The following GABRB1 variants were observed in gnomAD, a reference collection of about 807,000 sequenced individuals.
GABRB1 encodes gamma-aminobutyric acid receptor subunit beta-1.
GABRB1 carries 17 observed loss-of-function variants against 51.6 expected under a neutral mutation model. The ratio of observed to expected loss-of-function variants is 0.33; its 90% confidence interval spans 0.23 to 0.49. The LOEUF (loss-of-function observed/expected upper bound fraction) is 0.49, where lower values mean the gene tolerates loss of function less well. GABRB1 is among the 20% of genes least tolerant of loss of function. The probability of loss-of-function intolerance (pLI) is 0.99; values close to 1 mark genes in which losing one functional copy is unlikely to be tolerated. For synonymous variants in GABRB1, 247 were observed against 218.9 expected, an observed-to-expected ratio of 1.13 and a Z score of -1.14; for missense variants, 410 against 600.6, an observed-to-expected ratio of 0.68 and a Z score of 3.32.
chr4:47,265,659 T>A (rs999612891), intron 4 of GABRB1, among the ~76,000 whole-genome samples: 1 of 152,176 alleles, frequency 6.6e-6, no homozygotes, highest in African/African-American at 2.4e-5. Flanking sequence ...TGGTATCTCA[T>A]TGTGGAATTA....
chr4:47,161,238 T>C lies in GABRB1; in HGVS notation c.241-11T>C. On this transcript the variant is annotated splice_polypyrimidine_tract_variant and intron_variant, in intron 3 of 8. Coordinates refer to ENST00000295454, the MANE Select transcript of GABRB1 (RefSeq NM_000812.4). Reference sequence around the variant, plus strand: ...AATTCTTTTTTTTTTTTTGCTTTCTTTATTTCACAGGATTATACACTCACC... The same window carrying C: ...AATTCTTTTTTTTTTTTTGCTTTCTCTATTTCACAGGATTATACACTCACC... 6.5e-7 allele frequency: 1 copy of C among 1,542,566 alleles called. No homozygotes were observed. The highest frequency in any genetic ancestry group is 8.8e-7 in the Non-Finnish European group (1 of 1,138,002).
At chr4:47,204,971 A>T (rs1720055172) in intron 4 of GABRB1, among the ~76,000 whole-genome samples, 1 of 152,176 alleles carries the variant, frequency 6.6e-6, no homozygotes. Flanking sequence ...TTGATAAATG[A>T]AACATAAGTA....
At chr4:47,032,253 G>T (rs1270319749) in intron 2 of GABRB1, among the ~76,000 whole-genome samples, 164 bp from the exon 3 acceptor site, 1 of 152,006 alleles carries the variant, frequency 6.6e-6, no homozygotes, top group Admixed American at 6.5e-5. Flanking sequence ...TGCATCACGC[G>T]TGTGCCCACA....
chr4:47,249,459 A>G (rs1318900724), intron 4 of GABRB1, among the ~76,000 whole-genome samples: 1 of 152,048 alleles, frequency 6.6e-6, no homozygotes, highest in Non-Finnish European at 1.5e-5. Context: ...AGTTCCATGC[A>G]CTGTTGAACA....
chr4:47,409,989 A>G (rs1433809840), intron 8 of GABRB1, among the ~76,000 whole-genome samples: 1 of 152,214 alleles, frequency 6.6e-6, no homozygotes, highest in Non-Finnish European at 1.5e-5. Context: ...CATTTGACTG[A>G]CCTTTATTTC....
intron 4 of GABRB1, among the ~76,000 whole-genome samples, chr4:47,189,015 G>A (rs1397107106): frequency 6.6e-6 from 1 of 151,992 alleles, no homozygotes; most frequent in African/African-American, 2.4e-5. Context: ...TAGAGTCTGG[G>A]AAAGAAATAA....
chr4:47,167,034 G>A (rs949786228), intron 4 of GABRB1, among the ~76,000 whole-genome samples: 1 of 152,128 alleles, frequency 6.6e-6, no homozygotes, highest in African/African-American at 2.4e-5. Context: ...ACAGGATTGT[G>A]TATTTGTTGA....
chr4:47,359,762 ATTT>A (rs1726729669), intron 5 of GABRB1, among the ~76,000 whole-genome samples: 1 of 152,000 alleles, frequency 6.6e-6, no homozygotes, highest in Admixed American at 6.6e-5. Context: ...CCCTGCCTTT[ATTT>A]TCATTCTGCC....
chr4:47,196,582 C>A (rs1193263322), intron 4 of GABRB1, among the ~76,000 whole-genome samples: 1 of 152,132 alleles, frequency 6.6e-6, no homozygotes, highest in South Asian at 2.1e-4. Context: ...CTTCGAAGAC[C>A]TTCTGGAGTT....
intron 3 of GABRB1, among the ~76,000 whole-genome samples, chr4:47,116,420 C>G (rs1238704056): frequency 6.6e-6 from 1 of 152,122 alleles, no homozygotes; most frequent in Non-Finnish European, 1.5e-5. Context: ...TGTGTAAAAA[C>G]CATTTCAAAT....
chr4:47,386,732 A>G (rs1241931553), intron 5 of GABRB1, among the ~76,000 whole-genome samples: 1 of 152,216 alleles, frequency 6.6e-6, no homozygotes. Context: ...TCCAAGAAGG[A>G]AGGAAAAAAA....
At chr4:47,116,830 T>A (rs1467272325) in intron 3 of GABRB1, among the ~76,000 whole-genome samples, 1 of 152,108 alleles carries the variant, frequency 6.6e-6, no homozygotes, top group African/African-American at 2.4e-5. Flanking sequence ...GAAGTATGAT[T>A]GGGGAGGCTT....
intron 4 of GABRB1, among the ~76,000 whole-genome samples, chr4:47,193,021 T>A (rs943532760): frequency 6.6e-6 from 1 of 152,226 alleles, no homozygotes; most frequent in East Asian, 1.9e-4. Context: ...AGAGCCTGCA[T>A]GCCTAACCAT....
At chr4:47,244,217 C>A (rs1721652247) in intron 4 of GABRB1, among the ~76,000 whole-genome samples, 1 of 152,202 alleles carries the variant, frequency 6.6e-6, no homozygotes, top group African/African-American at 2.4e-5. Context: ...ACCAGCCTTG[C>A]ATCCCAGGAT....
In GABRB1 at chr4:47,312,106, CTTTG is replaced by C. The variant is rs1724711568; in HGVS notation, c.462-8016_462-8013del. On this transcript the variant is annotated intron_variant, in intron 4 of 8. Coordinates refer to ENST00000295454, the MANE Select transcript of GABRB1 (RefSeq NM_000812.4). Reference sequence around the variant, plus strand: ...ACAGGCATGCTTGGTGTGTATCAGGCTTTGTTTGAGTAAATACAGAAAATGTATT... The same window carrying C: ...ACAGGCATGCTTGGTGTGTATCAGGCTTTGAGTAAATACAGAAAATGTATT... Among the ~76,000 whole-genome samples, 3 of 151,518 alleles carry C rather than the reference CTTTG, an allele frequency of 2.0e-5. No homozygotes were observed. The South Asian group carries it at 6.2e-4, about 32-fold the overall frequency.
intron 1 of GABRB1, among the ~76,000 whole-genome samples, chr4:46,998,136 AT>A (rs1235661485): frequency 6.6e-6 from 1 of 152,142 alleles, no homozygotes; most frequent in Non-Finnish European, 1.5e-5. Context: ...CAAAATAAGA[AT>A]TTTTTGCCAT....
At chr4:47,221,435 A>G (rs1044048323) in intron 4 of GABRB1, among the ~76,000 whole-genome samples, 6 of 152,068 alleles carry the variant, frequency 3.9e-5, no homozygotes, top group Admixed American at 3.9e-4. Flanking sequence ...TGGAATTGTT[A>G]CTGAACTAAT....
chr4:47,136,803 A>T (rs2109684131), intron 3 of GABRB1, among the ~76,000 whole-genome samples: 1 of 152,164 alleles, frequency 6.6e-6, no homozygotes, highest in Non-Finnish European at 1.5e-5. Flanking sequence ...TCCAAACTAA[A>T]ACACTACATT....
intron 5 of GABRB1, among the ~76,000 whole-genome samples, chr4:47,324,688 A>G (rs991193476): frequency 1.3e-5 from 2 of 152,036 alleles, no homozygotes; most frequent in African/African-American, 4.8e-5. Context: ...TATATCTCCA[A>G]CTGAGATCTC....
Sources: allele counts gnomAD v4.1 joint callset (sites outside exome capture counted in the v4.1 genomes callset), GRCh38; gene constraint gnomAD v4.1.1; transcripts MANE v1.5; gene names NCBI Gene and HGNC (gene_info 2026-07-23, HGNC 2026-07-21).